The following ATP8A2 variants were observed in gnomAD, a reference collection of about 807,000 sequenced individuals.
ATP8A2 encodes the protein phospholipid-transporting ATPase IB.
Under a neutral mutation model 165.6 loss-of-function variants are expected in ATP8A2, and 100 were observed. That is an observed-to-expected ratio of 0.60 (90% confidence interval 0.51 to 0.71). The LOEUF (loss-of-function observed/expected upper bound fraction) is 0.71. ATP8A2 is among the 30% of genes least tolerant of loss of function. The pLI, the probability that ATP8A2 is intolerant of heterozygous loss-of-function variation, is 0.00. For synonymous variants in ATP8A2, 543 were observed against 548.8 expected, an observed-to-expected ratio of 0.99 and a Z score of 0.15; for missense variants, 1,227 against 1,479.5, an observed-to-expected ratio of 0.83 and a Z score of 2.80.
intron 36 of ATP8A2, 24 bp downstream of exon 36, chr13:26,012,646 AT>A (rs1281936497): frequency 7.5e-7 from 1 of 1,336,656 alleles, no homozygotes; most frequent in Admixed American, 3.5e-5. Flanking sequence ...GCGGGGGCTG[AT>A]GGAGGAGTGG....
intron 33 of ATP8A2, among the ~76,000 whole-genome samples, chr13:25,870,573 G>A (rs1436144692): frequency 6.6e-6 from 1 of 152,100 alleles, no homozygotes; most frequent in Admixed American, 6.6e-5. Context: ...AGTAAGCATT[G>A]GCTCATTCAG....
At chr13:25,677,444 C>T (rs1259768608) in intron 24 of ATP8A2, among the ~76,000 whole-genome samples, 1 of 152,124 alleles carries the variant, frequency 6.6e-6, no homozygotes, top group Non-Finnish European at 1.5e-5. Context: ...ATATAATTTA[C>T]CAGAAGGGAG....
In ATP8A2 at chr13:25,512,765, C is replaced by T. The variant is rs539143932; in HGVS notation, c.222-17234C>T. The stretch of plus-strand genomic sequence containing the variant: ...CCCCCCACCTCCCTCCCGGATGGGG[C>T]GGCTGGCCAGGCAGGGGGCTGACCC... On this transcript the variant is annotated intron_variant, in intron 2 of 36. Coordinates refer to ENST00000381655, the MANE Select transcript of ATP8A2 (RefSeq NM_016529.6). 2.5e-3 allele frequency among the ~76,000 whole-genome samples: 342 copies of T among 138,124 alleles called. 4 individuals carry two copies. The highest frequency in any genetic ancestry group is 8.7e-3 in the African/African-American group (319 of 36,788). The allele number at this position is 138,124 out of a possible 152,430, so 90.6% of individuals were successfully genotyped here. A position where few individuals can be genotyped will look rare whatever the true frequency, so the allele number is the denominator to read the frequency against.
chr13:25,491,950 T>C (rs1291723743), intron 2 of ATP8A2, among the ~76,000 whole-genome samples: 1 of 152,206 alleles, frequency 6.6e-6, no homozygotes, highest in East Asian at 1.9e-4. Flanking sequence ...AAATTCAAGT[T>C]GTTACATAGA....
At chr13:25,723,976 C>T (rs1808014826) in intron 25 of ATP8A2, among the ~76,000 whole-genome samples, 1 of 152,096 alleles carries the variant, frequency 6.6e-6, no homozygotes, top group African/African-American at 2.4e-5. Context: ...AATGCGTGGC[C>T]AGGAAGTAGG....
intron 27 of ATP8A2, among the ~76,000 whole-genome samples, chr13:25,823,114 G>C (rs1951222306): frequency 6.6e-6 from 1 of 152,230 alleles, no homozygotes; most frequent in Non-Finnish European, 1.5e-5. Flanking sequence ...GACTGGAGGA[G>C]ATGCAGTGTT....
intron 35 of ATP8A2, among the ~76,000 whole-genome samples, chr13:25,989,958 A>T (rs1956352789): frequency 1.3e-5 from 2 of 152,152 alleles, no homozygotes; most frequent in Admixed American, 1.3e-4. Context: ...TTGGCCCTGG[A>T]GATTGTGTTT....
chr13:25,390,217 C>T (rs573216347), intron 1 of ATP8A2, among the ~76,000 whole-genome samples: 3 of 152,302 alleles, frequency 2.0e-5, no homozygotes, highest in South Asian at 2.1e-4. Flanking sequence ...TGGTCTTGAA[C>T]TCCTGACCTC....
At chr13:26,011,797 TG>T (rs994153596) in intron 35 of ATP8A2, among the ~76,000 whole-genome samples, 17 of 152,044 alleles carry the variant, frequency 1.1e-4, no homozygotes, top group African/African-American at 3.9e-4. Context: ...TAGCCAGGTG[TG>T]GTGATGCACA....
At chr13:25,908,780 G>C (rs768780570) in intron 33 of ATP8A2, among the ~76,000 whole-genome samples, 1 of 152,222 alleles carries the variant, frequency 6.6e-6, no homozygotes, top group Non-Finnish European at 1.5e-5. Flanking sequence ...GCTCTTCCCT[G>C]TGCTCATGAT....
intron 27 of ATP8A2, among the ~76,000 whole-genome samples, chr13:25,788,076 G>T (rs3920613): frequency 6.6e-6 from 1 of 152,016 alleles, no homozygotes; most frequent in South Asian, 2.1e-4. Context: ...GTGAGGCCCC[G>T]CACCCAGGCC....
At position 25,475,385 on chromosome 13, in the gene ATP8A2, T is replaced by C. The variant is rs1317407082; in HGVS notation, c.221+6264T>C. 5.3e-5 allele frequency among the ~76,000 whole-genome samples: 8 copies of C among 152,232 alleles called. No homozygotes were observed. The East Asian group carries it at 1.5e-3, about 29-fold the overall frequency. On this transcript the variant is annotated intron_variant, in intron 2 of 36. Transcript: ENST00000381655. ...TTTATGGCTGCATAGTGTTCCATAG[T>C]GTATATGTACATTTTCTTTATCCAG...
chr13:25,589,019 A>G (rs1311277344), intron 23 of ATP8A2, among the ~76,000 whole-genome samples: 3 of 152,130 alleles, frequency 2.0e-5, no homozygotes, highest in African/African-American at 7.2e-5. Context: ...AGAAAATACT[A>G]TCTCGCTTAA....
chr13:25,548,129 G>A (rs1230125707), intron 10 of ATP8A2, among the ~76,000 whole-genome samples: 1 of 152,128 alleles, frequency 6.6e-6, no homozygotes, highest in Non-Finnish European at 1.5e-5. Context: ...TGGAGGCTGA[G>A]GCAGAAGAAT....
chr13:25,630,068 C>G (rs1267021651), intron 24 of ATP8A2, among the ~76,000 whole-genome samples: 1 of 120,378 alleles, frequency 8.3e-6, no homozygotes, highest in African/African-American at 3.5e-5. Flanking sequence ...CTGTTTAAGA[C>G]ACCTTTTTGT....
At chr13:25,551,640 G>A in intron 11 of ATP8A2, 137 bp downstream of exon 11, 1 of 725,266 alleles carries the variant, frequency 1.4e-6, no homozygotes, top group Non-Finnish European at 2.1e-6. Context: ...AGCCTTTCAA[G>A]GAGAATTGAG....
chr13:25,612,681 G>A (rs1007166213), intron 24 of ATP8A2, among the ~76,000 whole-genome samples: 4 of 152,082 alleles, frequency 2.6e-5, no homozygotes, highest in Non-Finnish European at 4.4e-5. Context: ...TAAGTACATT[G>A]TTTCTTTGTT....
intron 24 of ATP8A2, among the ~76,000 whole-genome samples, chr13:25,608,566 A>G (rs1334856208): frequency 6.6e-6 from 1 of 152,110 alleles, no homozygotes; most frequent in African/African-American, 2.4e-5. Flanking sequence ...AATCTTGCAA[A>G]CTTTTTCTGT....
At chr13:25,436,299 T>G (rs946999060) in intron 1 of ATP8A2, among the ~76,000 whole-genome samples, 3 of 152,032 alleles carry the variant, frequency 2.0e-5, no homozygotes, top group Admixed American at 6.6e-5. Context: ...TATCCATTGC[T>G]CCCATCTTTA....
Sources: allele counts gnomAD v4.1 joint callset (sites outside exome capture counted in the v4.1 genomes callset), GRCh38; gene constraint gnomAD v4.1.1; transcripts MANE v1.5; gene names NCBI Gene and HGNC (gene_info 2026-07-23, HGNC 2026-07-21).